Variants in PAG1 observed in about 807,000 individuals in gnomAD.
PAG1 encodes the protein phosphoprotein membrane anchor with glycosphingolipid microdomains 1.
Under a neutral mutation model 31.7 loss-of-function variants are expected in PAG1, and 23 were observed. That is an observed-to-expected ratio of 0.73 (90% CI 0.52 to 1.03). The LOEUF is 1.03. Ranked by LOEUF, PAG1 falls within the 50% of genes least tolerant of loss-of-function variation. The pLI is 0.00. For synonymous variants in PAG1, 214 were observed against 210.3 expected, an observed-to-expected ratio of 1.02 and a Z score of -0.15; for missense variants, 473 against 540.7, an observed-to-expected ratio of 0.87 and a Z score of 1.24.
intron 3 of PAG1, among the ~76,000 whole-genome samples, chr8:80,993,518 G>A (rs962111241): frequency 7.2e-5 from 11 of 152,050 alleles, no homozygotes; most frequent in African/African-American, 1.9e-4. Context: ...AAACGAAAGC[G>A]GGAACATACA....
intron 4 of PAG1, 71 bp downstream of exon 4, chr8:80,993,032 T>G: frequency 7.2e-7 from 1 of 1,389,234 alleles, no homozygotes; most frequent in Admixed American, 1.9e-5. Context: ...TAACAGGCTT[T>G]CCACAGAAAC....
chr8:81,002,295 A>T (rs1807800409), intron 3 of PAG1, among the ~76,000 whole-genome samples: 1 of 152,188 alleles, frequency 6.6e-6, no homozygotes, highest in African/African-American at 2.4e-5. Flanking sequence ...ACCACTTGAC[A>T]CAAATGCCTC....
intron 1 of PAG1, among the ~76,000 whole-genome samples, chr8:81,097,331 G>T (rs1041544591): frequency 6.6e-6 from 1 of 152,260 alleles, no homozygotes; most frequent in East Asian, 1.9e-4. Context: ...TGTGGAATGG[G>T]GTGCGGCAGC....
At chr8:81,017,430 C>A (rs1400655061) in intron 3 of PAG1, among the ~76,000 whole-genome samples, 1 of 152,134 alleles carries the variant, frequency 6.6e-6, no homozygotes, top group East Asian at 1.9e-4. Flanking sequence ...TCCCACTGAT[C>A]TTGTAGGTGA....
chr8:80,978,270 A>G (rs993826460), intron 8 of PAG1, among the ~76,000 whole-genome samples: 11 of 152,310 alleles, frequency 7.2e-5, no homozygotes, highest in African/African-American at 2.6e-4. Context: ...GAAATGATTA[A>G]CATTCTCACC....
At chr8:81,005,593 G>A (rs1329448678) in intron 3 of PAG1, among the ~76,000 whole-genome samples, 1 of 152,212 alleles carries the variant, frequency 6.6e-6, no homozygotes, top group Non-Finnish European at 1.5e-5. Flanking sequence ...GGAGAAAACT[G>A]GAGGGTCTCT....
chr8:80,992,942 G>A (rs1376013401), intron 4 of PAG1, among the ~76,000 whole-genome samples, 161 bp downstream of exon 4: 10 of 152,258 alleles, frequency 6.6e-5, no homozygotes, highest in East Asian at 1.9e-4. Context: ...AGAATGTCCC[G>A]AGACGCTCTG....
intron 3 of PAG1, among the ~76,000 whole-genome samples, chr8:80,993,998 T>C (rs1360306397): frequency 6.6e-6 from 1 of 151,278 alleles, no homozygotes; most frequent in Non-Finnish European, 1.5e-5. Context: ...ATCAGAACAG[T>C]ATATAACAAT....
chr8:81,020,646 C>T (rs569540391), intron 3 of PAG1, among the ~76,000 whole-genome samples: 19 of 152,242 alleles, frequency 1.2e-4, no homozygotes, highest in Non-Finnish European at 1.3e-4. Context: ...TATAAATTAC[C>T]CAGTCTTGTG....
At position 81,002,217 on chromosome 8, in the gene PAG1, T is replaced by G. The variant is rs1395894345; in HGVS notation, c.-80-8910A>C. Among the ~76,000 whole-genome samples the G allele has an allele frequency of 3.9e-5, 6 of 152,294 alleles. No homozygotes were observed. The East Asian group carries it at 1.2e-3, about 29-fold the overall frequency. ...GAGGGCAGTAATTCAGCCACCTTTT[T>G]TTTTTTCATAATAAAAGACTTAAAA... On this transcript the variant is annotated intron_variant, in intron 3 of 8. Coordinates refer to ENST00000220597, the MANE Select transcript of PAG1 (RefSeq NM_018440.4).
At chr8:81,076,671 G>A (rs1809183570) in intron 1 of PAG1, among the ~76,000 whole-genome samples, 1 of 152,110 alleles carries the variant, frequency 6.6e-6, no homozygotes, top group African/African-American at 2.4e-5. Context: ...AACTTCTTTG[G>A]TTTCTCAGAT....
At chr8:81,032,238 T>C (rs1006903490) in intron 2 of PAG1, among the ~76,000 whole-genome samples, 7 of 152,082 alleles carry the variant, frequency 4.6e-5, no homozygotes, top group African/African-American at 1.7e-4. Flanking sequence ...TAAAAATATT[T>C]GTAATTTAAA....
intron 3 of PAG1, among the ~76,000 whole-genome samples, chr8:81,021,861 AAGTC>A (rs1808178398): frequency 4.6e-5 from 7 of 152,182 alleles, no homozygotes; most frequent in Admixed American, 4.6e-4. Flanking sequence ...AAAGTAATAA[AAGTC>A]AGTTCACATA....
intron 1 of PAG1, among the ~76,000 whole-genome samples, chr8:81,100,341 G>T (rs980913736): frequency 1.3e-5 from 2 of 152,086 alleles, no homozygotes; most frequent in Non-Finnish European, 2.9e-5. Flanking sequence ...ATCACTTTTC[G>T]TTTGCGTAAA....
intron 1 of PAG1, among the ~76,000 whole-genome samples, chr8:81,100,473 G>A (rs1452358626): frequency 6.6e-6 from 1 of 152,176 alleles, no homozygotes; most frequent in Non-Finnish European, 1.5e-5. Flanking sequence ...GTGCATTGTG[G>A]AATGTATAGC....
chr8:81,084,287 C>T (rs1374355515), intron 1 of PAG1, among the ~76,000 whole-genome samples: 1 of 152,068 alleles, frequency 6.6e-6, no homozygotes, highest in Non-Finnish European at 1.5e-5. Context: ...TTTTTCATTT[C>T]ATTTTGAGGT....
In PAG1 at chr8:80,971,022, C is replaced by T. The variant is rs966733787; in HGVS notation, c.*5522G>A. 6.6e-6 allele frequency: 1 copy of T among 152,440 alleles called. No individual in the cohort carries two copies. Among genetic ancestry groups the T allele is most frequent in the African/African-American group, 2.4e-5 (1 of 41,432 alleles). 9.4% of individuals were successfully genotyped at this position (152,440 alleles called of 1,614,324 possible). On this transcript the variant is annotated 3_prime_UTR_variant, in exon 9 of 9. Coordinates refer to ENST00000220597, the MANE Select transcript of PAG1 (RefSeq NM_018440.4). ...AAACTGAGGTGGGAGGAAATAGTGACTTCATGGCCTCATTCTTTAGACTTA... is the reference window on the plus strand; with the variant it reads ...AAACTGAGGTGGGAGGAAATAGTGATTTCATGGCCTCATTCTTTAGACTTA...
chr8:81,040,229 A>G (rs957363261), intron 2 of PAG1, among the ~76,000 whole-genome samples: 1 of 152,160 alleles, frequency 6.6e-6, no homozygotes, highest in African/African-American at 2.4e-5. Context: ...AGTTATATTA[A>G]TATACTTTAG....
At chr8:81,087,723 C>T (rs1809382932) in intron 1 of PAG1, among the ~76,000 whole-genome samples, 1 of 152,160 alleles carries the variant, frequency 6.6e-6, no homozygotes, top group African/African-American at 2.4e-5. Flanking sequence ...GCTAATGTTT[C>T]GGGGATAAGC....
Sources: allele counts gnomAD v4.1 joint callset (sites outside exome capture counted in the v4.1 genomes callset), GRCh38; gene constraint gnomAD v4.1.1; transcripts MANE v1.5; gene names NCBI Gene and HGNC (gene_info 2026-07-23, HGNC 2026-07-21).